Variants in UBR2 observed in about 807,000 individuals in gnomAD.
UBR2 encodes the protein ubiquitin protein ligase E3 component n-recognin 2, also known as E3 ubiquitin-protein ligase UBR2.
In UBR2, 92 loss-of-function variants were observed where a neutral mutation model predicts 247.9. The ratio of observed to expected loss-of-function variants is 0.37; its 90% CI spans 0.31 to 0.44. The LOEUF is 0.44. Among genes scored for constraint, UBR2 ranks in the 20% least tolerant of loss-of-function variants. UBR2 has a pLI of 1.00. For missense variants in UBR2, 1,613 were observed against 2,112.6 expected (o/e 0.76, Z 4.64); for synonymous variants, 672 against 693.5 (o/e 0.97, Z 0.49).
intron 39 of UBR2, among the ~76,000 whole-genome samples, chr6:42,676,483 A>G (rs1798728105): frequency 6.6e-6 from 1 of 152,210 alleles, no homozygotes; most frequent in Non-Finnish European, 1.5e-5. Context: ...TTTAACTTAC[A>G]TGTTTGTTAA....
At chr6:42,576,884 A>G (rs1012601624) in intron 2 of UBR2, among the ~76,000 whole-genome samples, 9 of 152,164 alleles carry the variant, frequency 5.9e-5, no homozygotes, top group Admixed American at 2.0e-4. Context: ...AGTTTTTCTT[A>G]TTTGTGGGGG....
At chr6:42,623,190 C>T (rs2065131037) in intron 11 of UBR2, among the ~76,000 whole-genome samples, 1 of 151,824 alleles carries the variant, frequency 6.6e-6, no homozygotes. Context: ...AATATTTTAC[C>T]GTAAAGTATG....
At chr6:42,634,591 A>G (rs1795967016) in intron 13 of UBR2, among the ~76,000 whole-genome samples, 2 of 152,170 alleles carry the variant, frequency 1.3e-5, no homozygotes, top group Admixed American at 1.3e-4. Flanking sequence ...AGTAGCTGGG[A>G]TTACAGGTGC....
intron 11 of UBR2, among the ~76,000 whole-genome samples, chr6:42,618,602 G>T (rs1160273186): frequency 6.6e-6 from 1 of 152,130 alleles, no homozygotes; most frequent in Non-Finnish European, 1.5e-5. Flanking sequence ...AGGCATTAAA[G>T]AATTTTAAGT....
intron 22 of UBR2, 53 bp from the exon 23 acceptor site, chr6:42,650,231 A>G (rs1797035855): frequency 2.1e-6 from 3 of 1,433,904 alleles, no homozygotes; most frequent in African/African-American, 2.8e-5. Flanking sequence ...ACTATCTCTC[A>G]TAAATTAGTG....
In UBR2 at chr6:42,590,935, A is replaced by G. The variant is rs182762080; in HGVS notation, c.339-1216A>G. On this transcript the variant is annotated intron_variant, in intron 2 of 46. Coordinates refer to ENST00000372901, the MANE Select transcript of UBR2 (RefSeq NM_001363705.2). ...TAATCTGTATAGTACTGGCCTAAGG[A>G]TAGACATAGATGAGTGGAATAGAAA... Among the ~76,000 whole-genome samples, 5 of 152,350 alleles carry G rather than the reference A, an allele frequency of 3.3e-5. No individual in the cohort carries two copies. The East Asian group carries it at 9.6e-4, about 29-fold the overall frequency.
At chr6:42,606,762 TATGTTTAAAGA>T (rs1160341341) in intron 7 of UBR2, 111 bp downstream of exon 7, 6 of 849,700 alleles carry the variant, frequency 7.1e-6, no homozygotes, top group Non-Finnish European at 1.1e-5. Context: ...AACCAAAAAT[TATGTTTAAAGA>T]TAATGTTTCT....
chr6:42,640,879 C>T lies in UBR2; in HGVS notation c.1920+609C>T, dbSNP rs937830951. Among the ~76,000 whole-genome samples the T allele has an allele frequency of 2.0e-5, 3 of 151,780 alleles. No homozygotes were observed. The East Asian group carries it at 5.8e-4, about 29-fold the overall frequency. On this transcript the variant is annotated intron_variant, in intron 16 of 46. Transcript: ENST00000372901. ...CAAGAAGCTGGAATACAGGTGCCTG[C>T]CACCACTCCCAGCTAATTTTTGTAT...
At chr6:42,661,936 A>C (rs560125074) in intron 30 of UBR2, among the ~76,000 whole-genome samples, 8 of 152,356 alleles carry the variant, frequency 5.3e-5, no homozygotes, top group Non-Finnish European at 7.3e-5. Flanking sequence ...ATTTAAATTC[A>C]TAGTTCTAAT....
intron 13 of UBR2, chr6:42,634,220 T>C: frequency 5.2e-6 from 2 of 387,482 alleles, no homozygotes; most frequent in South Asian, 1.9e-5. Context: ...AGTGTAGACC[T>C]TTTTCCCCTG....
chr6:42,646,581 A>C (rs1275287340), intron 21 of UBR2, among the ~76,000 whole-genome samples: 1 of 152,084 alleles, frequency 6.6e-6, no homozygotes, highest in African/African-American at 2.4e-5. Flanking sequence ...ACATCTGTGA[A>C]TGTTACTACT....
chr6:42,667,920 G>A (rs887076760), intron 34 of UBR2, among the ~76,000 whole-genome samples: 30 of 151,552 alleles, frequency 2.0e-4, no homozygotes, highest in Middle Eastern at 3.2e-3. Context: ...TACCATGCCC[G>A]ACTGATTTTT....
At chr6:42,662,579 G>A (rs1226598522) in intron 31 of UBR2, among the ~76,000 whole-genome samples, 1 of 152,142 alleles carries the variant, frequency 6.6e-6, no homozygotes, top group Non-Finnish European at 1.5e-5. Flanking sequence ...CTCTAGAAGG[G>A]TAATGTTGTC....
At chr6:42,686,655 C>T (rs900594835) in intron 44 of UBR2, among the ~76,000 whole-genome samples, 7 of 149,580 alleles carry the variant, frequency 4.7e-5, no homozygotes, top group South Asian at 2.1e-4. Flanking sequence ...ACGGGGCAGC[C>T]GGGCAGAGGC....
intron 44 of UBR2, among the ~76,000 whole-genome samples, chr6:42,685,444 TTAAAG>T (rs889599082): frequency 2.0e-5 from 3 of 151,620 alleles, no homozygotes; most frequent in Non-Finnish European, 2.9e-5. Flanking sequence ...ATAATTGCAC[TTAAAG>T]TAATAACAGC....
At chr6:42,669,724 C>A (rs1004300254) in intron 34 of UBR2, among the ~76,000 whole-genome samples, 1 of 152,142 alleles carries the variant, frequency 6.6e-6, no homozygotes, top group East Asian at 1.9e-4. Flanking sequence ...CTTGGTGACC[C>A]CCGAATGTCT....
At chr6:42,605,233 A>T (rs1051331318) in intron 5 of UBR2, among the ~76,000 whole-genome samples, 2 of 152,050 alleles carry the variant, frequency 1.3e-5, no homozygotes, top group South Asian at 4.2e-4. Context: ...TAGGGGCCAG[A>T]TTAATTTTTT....
chr6:42,645,351 C>A, intron 20 of UBR2, 115 bp from the exon 21 acceptor site: 1 of 976,586 alleles, frequency 1.0e-6, no homozygotes, highest in South Asian at 1.6e-5. Flanking sequence ...ATTACTTTCC[C>A]ATTGCTCAGA....
chr6:42,671,558 A>G (rs1798445772), intron 36 of UBR2, among the ~76,000 whole-genome samples: 1 of 152,182 alleles, frequency 6.6e-6, no homozygotes, highest in Admixed American at 6.5e-5. Flanking sequence ...AAGTTCACCA[A>G]ATGATCTCCT....
Sources: allele counts gnomAD v4.1 joint callset (sites outside exome capture counted in the v4.1 genomes callset), GRCh38; gene constraint gnomAD v4.1.1; transcripts MANE v1.5; gene names NCBI Gene and HGNC (gene_info 2026-07-23, HGNC 2026-07-21).